ACSS3: variants seen among roughly 807,000 people sequenced by gnomAD.
ACSS3 encodes the protein acyl-CoA synthetase short-chain family member 3, mitochondrial.
In ACSS3, 64 loss-of-function variants were observed where a neutral mutation model predicts 84.2. The ratio of observed to expected loss-of-function variants is 0.76; its 90% confidence interval spans 0.62 to 0.94. The LOEUF is 0.94. Ranked by LOEUF, ACSS3 falls within the 40% of genes least tolerant of loss-of-function variation. The probability of loss-of-function intolerance (pLI) is 0.00; values close to 1 mark genes in which losing one functional copy is unlikely to be tolerated. For synonymous variants in ACSS3, 317 were observed against 310.1 expected (o/e 1.02, Z -0.23); for missense variants, 815 against 867.6 (o/e 0.94, Z 0.76).
chr12:81,194,609 A>C (rs2031739002), intron 8 of ACSS3, among the ~76,000 whole-genome samples: 1 of 151,996 alleles, frequency 6.6e-6, no homozygotes, highest in African/African-American at 2.4e-5. Context: ...ATTGTGTAAT[A>C]TTGTACCTTT....
At chr12:81,132,294 C>A (rs914996050) in intron 2 of ACSS3, among the ~76,000 whole-genome samples, 1 of 152,046 alleles carries the variant, frequency 6.6e-6, no homozygotes. Context: ...TAATTGTTGC[C>A]TCAATTTCAG....
At chr12:81,190,378 T>TA (rs2031502583) in intron 8 of ACSS3, among the ~76,000 whole-genome samples, 1 of 152,094 alleles carries the variant, frequency 6.6e-6, no homozygotes, top group Admixed American at 6.6e-5. Context: ...ATTTTATTTT[T>TA]ATGCTATGGT....
At chr12:81,152,400 A>G (rs767091249) in intron 7 of ACSS3, among the ~76,000 whole-genome samples, 2 of 152,192 alleles carry the variant, frequency 1.3e-5, no homozygotes, top group African/African-American at 2.4e-5. Context: ...GTCCTAGAAA[A>G]TAGTTATCAT....
chr12:81,182,476 G>A (rs1358011784), intron 8 of ACSS3, among the ~76,000 whole-genome samples: 1 of 152,096 alleles, frequency 6.6e-6, no homozygotes, highest in African/African-American at 2.4e-5. Flanking sequence ...TAGAGGTAAT[G>A]GTGGTGCATA....
intron 7 of ACSS3, among the ~76,000 whole-genome samples, chr12:81,155,099 G>A (rs1886799425): frequency 6.6e-6 from 1 of 152,092 alleles, no homozygotes; most frequent in African/African-American, 2.4e-5. Context: ...ATCTCGAAGA[G>A]GATAAAAGCC....
chr12:81,246,995 T>G (rs1353556822), intron 13 of ACSS3, among the ~76,000 whole-genome samples: 1 of 152,174 alleles, frequency 6.6e-6, no homozygotes, highest in Non-Finnish European at 1.5e-5. Context: ...CTTAACAGCT[T>G]AATACTTCTT....
At chr12:81,081,854 G>A (rs7138951) in intron 1 of ACSS3, among the ~76,000 whole-genome samples, 126,249 of 152,144 alleles carry the variant, frequency 0.83, 52,936 homozygotes, top group Admixed American at 0.89. Context: ...CTGTAGTCAA[G>A]ATACTGTGGG....
At chr12:81,104,372 C>G (rs1882790273) in intron 1 of ACSS3, among the ~76,000 whole-genome samples, 1 of 152,132 alleles carries the variant, frequency 6.6e-6, no homozygotes, top group Admixed American at 6.6e-5. Context: ...GAGTGCTGTC[C>G]TAATCCAGCC....
chr12:81,253,579 A>G lies in ACSS3; in HGVS notation c.1904A>G (p.Asn635Ser). The G allele has an allele frequency of 6.2e-7, 1 of 1,614,008 alleles. No homozygotes were observed. The change falls in exon 15 of 16, where the codon AAT becomes AGT. Residue 635 changes from asparagine to serine, a missense_variant. Physicochemically the swap from Asn to Ser is conservative, Grantham distance 46 (BLOSUM62 1). Transcript: ENST00000548058. The stretch of plus-strand genomic sequence containing the variant: ...ATTGGCCCTGTGGCTGCTTTTCGAA[A>G]TGCAGTGTTTGTCAAACAGCTACCC... ...QNIGPVAAFR[N>S]AVFVKQLPKT...
At chr12:81,167,692 A>G (rs540410988) in intron 7 of ACSS3, among the ~76,000 whole-genome samples, 3 of 152,298 alleles carry the variant, frequency 2.0e-5, no homozygotes, top group African/African-American at 7.2e-5. Context: ...TAACCTAAGC[A>G]TCTTCCAAAA....
At chr12:81,116,369 A>G (rs1051585816) in intron 2 of ACSS3, among the ~76,000 whole-genome samples, 1 of 152,134 alleles carries the variant, frequency 6.6e-6, no homozygotes, top group African/African-American at 2.4e-5. Context: ...TTTATTCACA[A>G]TTATAAGTGT....
At chr12:81,179,499 C>T (rs1309635091) in intron 8 of ACSS3, among the ~76,000 whole-genome samples, 1 of 151,894 alleles carries the variant, frequency 6.6e-6, no homozygotes, top group Non-Finnish European at 1.5e-5. Flanking sequence ...AACCAAACAA[C>T]CCCATTAAGA....
intron 11 of ACSS3, among the ~76,000 whole-genome samples, chr12:81,225,725 G>A (rs1393208178): frequency 1.3e-5 from 2 of 151,848 alleles, no homozygotes; most frequent in Admixed American, 1.3e-4. Context: ...AAAGTGCTAG[G>A]ATCTCCACGT....
chr12:81,104,207 T>C (rs980457972), intron 1 of ACSS3, among the ~76,000 whole-genome samples: 11 of 152,170 alleles, frequency 7.2e-5, no homozygotes, highest in Non-Finnish European at 1.6e-4. Context: ...GTTTTCTTTT[T>C]TTCTTTCTTT....
chr12:81,217,524 C>A (rs1326199559), intron 10 of ACSS3, among the ~76,000 whole-genome samples: 1 of 152,082 alleles, frequency 6.6e-6, no homozygotes, highest in Non-Finnish European at 1.5e-5. Flanking sequence ...GGATTGAGGA[C>A]AAAGTTTTTA....
rs563419080 is a variant in ACSS3 at position 81,084,859 on chromosome 12, A to G, written c.311+6428A>G. On this transcript the variant is annotated intron_variant, in intron 1 of 15. Coordinates refer to ENST00000548058, the MANE Select transcript of ACSS3 (RefSeq NM_024560.4). The stretch of plus-strand genomic sequence containing the variant: ...ACTCAGAGATTCTTGATGACTTTCT[A>G]TAATATGATATCAATGGTGAGATAA... Among the ~76,000 whole-genome samples the G allele has an allele frequency of 9.7e-4, 148 of 152,248 alleles. 1 individual carries two copies. Among genetic ancestry groups the G allele is most frequent in the Non-Finnish European group, 1.9e-3 (126 of 68,040 alleles).
intron 1 of ACSS3, among the ~76,000 whole-genome samples, chr12:81,082,021 C>T (rs908858409): frequency 1.3e-5 from 2 of 152,206 alleles, no homozygotes; most frequent in Admixed American, 6.5e-5. Flanking sequence ...AGTGAAGGAA[C>T]TCACCACACA....
At chr12:81,173,897 C>A (rs570587481) in intron 7 of ACSS3, among the ~76,000 whole-genome samples, 6 of 152,120 alleles carry the variant, frequency 3.9e-5, no homozygotes, top group African/African-American at 9.6e-5. Flanking sequence ...GATTAAAACA[C>A]CCTGTTGCCA....
chr12:81,145,305 T>C (rs1886289040), intron 5 of ACSS3, among the ~76,000 whole-genome samples: 1 of 152,100 alleles, frequency 6.6e-6, no homozygotes, highest in Non-Finnish European at 1.5e-5. Flanking sequence ...ATTTTCCTCC[T>C]AATGTACCAT....
Sources: gnomAD v4.1 joint callset for allele counts (sites outside exome capture counted in the v4.1 genomes callset) on GRCh38, gnomAD v4.1.1 for gene constraint, MANE v1.5 for transcripts, NCBI Gene and HGNC (gene_info 2026-07-23, HGNC 2026-07-21) for gene names.